The following COBL variants were observed in gnomAD, a reference collection of about 807,000 sequenced individuals.
The protein encoded by COBL is cordon-bleu WH2 repeat protein, also known as protein cordon-bleu.
A neutral mutation model predicts 98.8 loss-of-function variants in COBL; 51 were observed. That is an observed-to-expected ratio of 0.52 (90% CI 0.41 to 0.65). The LOEUF (loss-of-function observed/expected upper bound fraction) is 0.65. Among genes scored for constraint, COBL ranks in the 30% least tolerant of loss-of-function variants. The probability of loss-of-function intolerance (pLI) is 0.00; values close to 1 mark genes in which losing one functional copy is unlikely to be tolerated. For synonymous variants in COBL, 634 were observed against 651.7 expected, an observed-to-expected ratio of 0.97 and a Z score of 0.41; for missense variants, 1,617 against 1,617.5, an observed-to-expected ratio of 1.00 and a Z score of 0.01.
At chr7:51,267,494 ATT>A (rs1048606644) in intron 1 of COBL, among the ~76,000 whole-genome samples, 66 of 151,928 alleles carry the variant, frequency 4.3e-4, no homozygotes, top group African/African-American at 1.5e-3. Flanking sequence ...ATATATATAT[ATT>A]ACTAGTATAT....
intron 1 of COBL, among the ~76,000 whole-genome samples, chr7:51,247,389 T>C (rs1473900651): frequency 1.3e-5 from 2 of 152,232 alleles, no homozygotes; most frequent in African/African-American, 4.8e-5. Flanking sequence ...TCTCCTGAGG[T>C]TCCTGCTAGC....
At chr7:51,128,905 G>A (rs1302100115) in intron 6 of COBL, among the ~76,000 whole-genome samples, 3 of 152,214 alleles carry the variant, frequency 2.0e-5, no homozygotes, top group South Asian at 2.1e-4. Context: ...TGCCCAGACA[G>A]ACTGTCCCTG....
intron 1 of COBL, 126 bp downstream of exon 1, chr7:51,316,467 C>T: frequency 1.5e-6 from 1 of 660,724 alleles, no homozygotes; most frequent in South Asian, 6.9e-5. Flanking sequence ...ACCTGCTCCA[C>T]CACTACCACC....
chr7:51,277,729 A>G (rs118092396), intron 1 of COBL, among the ~76,000 whole-genome samples: 29 of 152,252 alleles, frequency 1.9e-4, no homozygotes, highest in Non-Finnish European at 3.8e-4. Context: ...GGTGGTAACA[A>G]TGCCGCCCCT....
intron 1 of COBL, among the ~76,000 whole-genome samples, chr7:51,298,517 G>A (rs956349188): frequency 1.3e-5 from 2 of 152,174 alleles, no homozygotes; most frequent in African/African-American, 4.8e-5. Context: ...TGGGGCCACA[G>A]GGCATCCCCC....
In COBL at chr7:51,296,419, G is replaced by A. The variant is rs950947524; in HGVS notation, c.41+20174C>T. ...ATGGGAGATGTTTGATTAAATGAAGGCGTGCAATATTTTTTTTTAATTAAG... is the reference window on the plus strand; with the variant it reads ...ATGGGAGATGTTTGATTAAATGAAGACGTGCAATATTTTTTTTTAATTAAG... On this transcript the variant is annotated intron_variant, in intron 1 of 12. Coordinates refer to ENST00000265136, the MANE Select transcript of COBL (RefSeq NM_015198.5). Among the ~76,000 whole-genome samples the A allele has an allele frequency of 2.0e-5, 3 of 152,060 alleles. No individual in the cohort carries two copies. In the East Asian group the frequency reaches 5.8e-4, roughly 29 times the overall value.
At chr7:51,312,395 G>C (rs1803144935) in intron 1 of COBL, among the ~76,000 whole-genome samples, 1 of 152,040 alleles carries the variant, frequency 6.6e-6, no homozygotes, top group Admixed American at 6.5e-5. Context: ...GTCTAAATCA[G>C]AACCAAGTGT....
intron 5 of COBL, among the ~76,000 whole-genome samples, chr7:51,168,259 G>A (rs1787515607): frequency 6.6e-6 from 1 of 152,014 alleles, no homozygotes; most frequent in South Asian, 2.1e-4. Context: ...AAAAGGCCGG[G>A]CGCTGTAGCT....
At chr7:51,265,276 G>A (rs1350725463) in intron 1 of COBL, among the ~76,000 whole-genome samples, 1 of 152,188 alleles carries the variant, frequency 6.6e-6, no homozygotes, top group Non-Finnish European at 1.5e-5. Context: ...GAAAGCAGGT[G>A]GGGGTTGGGA....
At chr7:51,148,961 G>A (rs958252116) in intron 5 of COBL, among the ~76,000 whole-genome samples, 14 of 151,880 alleles carry the variant, frequency 9.2e-5, no homozygotes, top group African/African-American at 3.1e-4. Context: ...GTAAACACTC[G>A]AGCCCACAAT....
intron 4 of COBL, among the ~76,000 whole-genome samples, chr7:51,189,126 ACACAAGATG>A (rs1433694870): frequency 6.6e-6 from 1 of 152,222 alleles, no homozygotes; most frequent in African/African-American, 2.4e-5. Context: ...ACTGGATAAA[ACACAAGATG>A]CATTATTCTC....
intron 1 of COBL, among the ~76,000 whole-genome samples, chr7:51,288,679 A>T (rs1800602402): frequency 6.6e-6 from 1 of 151,162 alleles, no homozygotes; most frequent in Non-Finnish European, 1.5e-5. Context: ...GCTTAAACCC[A>T]GGAGGTGGAG....
At chr7:51,117,581 A>AT (rs1323857902) in intron 6 of COBL, among the ~76,000 whole-genome samples, 2 of 151,482 alleles carry the variant, frequency 1.3e-5, no homozygotes, top group African/African-American at 2.4e-5. Context: ...ACCATATGAG[A>AT]TTTTTTCTTT....
intron 8 of COBL, among the ~76,000 whole-genome samples, chr7:51,036,838 G>A (rs756228473): frequency 2.0e-5 from 3 of 152,170 alleles, no homozygotes; most frequent in Non-Finnish European, 4.4e-5. Flanking sequence ...CCACTTATTC[G>A]ATCTCTCTCT....
chr7:51,293,522 G>C lies in COBL; in HGVS notation c.41+23071C>G, dbSNP rs147251960. Among the ~76,000 whole-genome samples the C allele has an allele frequency of 6.4e-3, 970 of 152,278 alleles. 7 individuals are homozygous for C. Among genetic ancestry groups the C allele is most frequent in the Non-Finnish European group, 0.011 (731 of 68,038 alleles). On this transcript the variant is annotated intron_variant, in intron 1 of 12. Transcript: ENST00000265136. ...TAAAACAGATCAATGGTGGTTGAGG[G>C]GCGCAGGAGAGGGAGGAATGGATTG...
At chr7:51,241,146 T>C (rs1404919522) in intron 1 of COBL, among the ~76,000 whole-genome samples, 1 of 152,214 alleles carries the variant, frequency 6.6e-6, no homozygotes, top group Non-Finnish European at 1.5e-5. Flanking sequence ...TCCTGCACCA[T>C]CTGTTGTTTT....
intron 7 of COBL, among the ~76,000 whole-genome samples, chr7:51,061,663 G>A (rs1346338470): frequency 1.3e-5 from 2 of 152,156 alleles, no homozygotes; most frequent in South Asian, 4.2e-4. Flanking sequence ...CAGACAGTAA[G>A]GAAGATGTGC....
intron 6 of COBL, among the ~76,000 whole-genome samples, chr7:51,108,123 C>T (rs1355528459): frequency 6.6e-6 from 1 of 152,176 alleles, no homozygotes; most frequent in East Asian, 1.9e-4. Context: ...GCCTCCAGCA[C>T]TCCTAACTCT....
At position 51,149,786 on chromosome 7, in the gene COBL, C is replaced by T. The variant is rs139474570; in HGVS notation, c.784-13455G>A. 2.6e-5 allele frequency among the ~76,000 whole-genome samples: 4 copies of T among 152,142 alleles called. No homozygotes were observed. The East Asian group carries it at 7.8e-4, about 29-fold the overall frequency. ...ACGCCTGGCTAATTATTGTATTCTT[C>T]GTAGAGCTGCGGTTTCAGCATCTTT... On this transcript the variant is annotated intron_variant, in intron 5 of 12. Coordinates refer to ENST00000265136, the MANE Select transcript of COBL (RefSeq NM_015198.5).
Sources: gnomAD v4.1 joint callset for allele counts (sites outside exome capture counted in the v4.1 genomes callset) on GRCh38, gnomAD v4.1.1 for gene constraint, MANE v1.5 for transcripts, NCBI Gene and HGNC (gene_info 2026-07-23, HGNC 2026-07-21) for gene names.